GMPS: variants seen among roughly 807,000 people sequenced by gnomAD.
The protein encoded by GMPS is guanosine monophosphate synthase.
GMPS carries 15 observed loss-of-function variants against 77.9 expected under a neutral mutation model. The ratio of observed to expected loss-of-function variants is 0.19; its 90% CI spans 0.13 to 0.30. The LOEUF is 0.30. GMPS is among the 10% of genes least tolerant of loss of function. GMPS has a pLI of 1.00. For synonymous variants in GMPS, 224 were observed against 275.9 expected, an observed-to-expected ratio of 0.81 and a Z score of 1.86; for missense variants, 590 against 838.8, an observed-to-expected ratio of 0.70 and a Z score of 3.66.
chr3:155,917,419 C>T (rs573255375), intron 9 of GMPS, among the ~76,000 whole-genome samples: 1 of 152,328 alleles, frequency 6.6e-6, no homozygotes, highest in African/African-American at 2.4e-5. Context: ...CCCCCACCCT[C>T]TGGTAACCAC....
At chr3:155,907,751 G>T (rs888817297) in intron 5 of GMPS, among the ~76,000 whole-genome samples, 20 of 152,194 alleles carry the variant, frequency 1.3e-4, no homozygotes, top group African/African-American at 4.6e-4. Flanking sequence ...TGTGATTAGG[G>T]TTGTTGCAAT....
At chr3:155,914,672 T>TA in intron 8 of GMPS, 102 bp downstream of exon 8, 1 of 679,170 alleles carries the variant, frequency 1.5e-6, no homozygotes, top group Non-Finnish European at 2.4e-6. Flanking sequence ...TAGCTAATTT[T>TA]AATCCTTTTT....
intron 12 of GMPS, among the ~76,000 whole-genome samples, chr3:155,929,898 A>C (rs1755564249): frequency 7.3e-6 from 1 of 137,792 alleles, no homozygotes; most frequent in African/African-American, 2.7e-5. Context: ...TTCCATGCTC[A>C]TGGGTAGGAA....
intron 11 of GMPS, among the ~76,000 whole-genome samples, chr3:155,923,526 C>T (rs1755373600): frequency 6.6e-6 from 1 of 152,118 alleles, no homozygotes; most frequent in African/African-American, 2.4e-5. Flanking sequence ...AAAGACAGAG[C>T]AGCTGCGGAG....
intron 13 of GMPS, among the ~76,000 whole-genome samples, chr3:155,933,546 A>G (rs1413396532): frequency 6.6e-6 from 1 of 152,226 alleles, no homozygotes; most frequent in Non-Finnish European, 1.5e-5. Flanking sequence ...CGTGGGACAA[A>G]AACCTTGCTT....
At chr3:155,877,797 CTT>C (rs35973380) in intron 1 of GMPS, among the ~76,000 whole-genome samples, 162 of 113,012 alleles carry the variant, frequency 1.4e-3, no homozygotes, top group Non-Finnish European at 1.5e-3. Context: ...ACCTTGGGGC[CTT>C]TTTTTTTTTT....
At chr3:155,912,948 T>A (rs1755077962) in intron 7 of GMPS, among the ~76,000 whole-genome samples, 1 of 152,206 alleles carries the variant, frequency 6.6e-6, no homozygotes, top group Non-Finnish European at 1.5e-5. Flanking sequence ...AGGAGCAAAC[T>A]GTGCTCTCCT....
At chr3:155,914,840 C>G (rs1469522542) in intron 8 of GMPS, among the ~76,000 whole-genome samples, 2 of 151,906 alleles carry the variant, frequency 1.3e-5, no homozygotes, top group African/African-American at 4.8e-5. Context: ...ACGATCTCGG[C>G]TCGCTGCAAC....
intron 8 of GMPS, among the ~76,000 whole-genome samples, chr3:155,915,098 C>T (rs1755141487): frequency 6.6e-6 from 1 of 152,032 alleles, no homozygotes; most frequent in East Asian, 1.9e-4. Context: ...AACATGTTTG[C>T]CTACATTGCC....
At chr3:155,896,670 C>G (rs1033541723) in intron 2 of GMPS, among the ~76,000 whole-genome samples, 5 of 149,166 alleles carry the variant, frequency 3.4e-5, no homozygotes, top group Non-Finnish European at 7.4e-5. Context: ...ATCTGCCCGT[C>G]TCTGTTTCCC....
At chr3:155,894,629 A>T (rs1227639423) in intron 2 of GMPS, among the ~76,000 whole-genome samples, 2 of 152,124 alleles carry the variant, frequency 1.3e-5, no homozygotes, top group African/African-American at 4.8e-5. Flanking sequence ...TTGGCTCTTA[A>T]ACTCTAATAT....
intron 7 of GMPS, 22 bp from the exon 8 acceptor site, chr3:155,914,397 A>G: frequency 1.3e-6 from 2 of 1,498,164 alleles, no homozygotes; most frequent in South Asian, 1.4e-5. Context: ...CCAATTTAAA[A>G]CGCTTCTCCC....
At chr3:155,932,862 A>G (rs1755661048) in intron 13 of GMPS, among the ~76,000 whole-genome samples, 1 of 152,214 alleles carries the variant, frequency 6.6e-6, no homozygotes, top group Non-Finnish European at 1.5e-5. Context: ...ATACAGAAGC[A>G]TCTTTAAAAT....
chr3:155,876,490 G>A (rs1426315154), intron 1 of GMPS, among the ~76,000 whole-genome samples: 1 of 152,228 alleles, frequency 6.6e-6, no homozygotes, highest in Non-Finnish European at 1.5e-5. Flanking sequence ...ATAGCCGAAG[G>A]TGGTATTAGA....
intron 1 of GMPS, among the ~76,000 whole-genome samples, chr3:155,871,638 C>CAGCTTGCTCCCTGTCG (rs1249845005): frequency 6.6e-6 from 1 of 152,258 alleles, no homozygotes; most frequent in Non-Finnish European, 1.5e-5. Flanking sequence ...CGCCCCCGTC[C>CAGCTTGCTCCCTGTCG]AGCTTGCTCC....
chr3:155,910,547 C>T (rs1443531219), intron 5 of GMPS, 145 bp from the exon 6 acceptor site: 6 of 415,126 alleles, frequency 1.4e-5, no homozygotes, highest in East Asian at 4.2e-5. Context: ...CCAGCCTGAG[C>T]GACAGAGCAA....
Position 155,870,892 on chromosome 3 carries a change from T to A in GMPS, c.22T>A (p.Ser8Thr). 6.7e-7 allele frequency: 1 copy of A among 1,503,676 alleles called. No homozygotes were observed. The highest frequency in any genetic ancestry group is 8.9e-7 in the Non-Finnish European group (1 of 1,129,654). 93.1% of individuals were successfully genotyped at this position (1,503,676 alleles called of 1,614,324 possible). MALCNGD[S>T]KLENAGGDLK... ...CCCGATGGCTCTGTGCAACGGAGAC[T>A]CCAAGGTCAGCGTGGGGGTCCCTGC... The change falls in exon 1 of 16, where the codon TCC becomes ACC. Residue 8 changes from serine (S) to threonine (T), a missense_variant. By Grantham distance (58) the Ser-to-Thr change is moderately conservative. Around this residue, in one of 6 missense-constraint regions of GMPS, gnomAD observed 47 missense variants for 45.5 expected, o/e 1.03. Transcript: ENST00000496455.
rs1259626361 is a variant in GMPS, at chr3:155,910,825, G to T, written c.660G>T (p.Gln220His). 1 of 1,611,280 alleles carries T rather than the reference G, an allele frequency of 6.2e-7. No individual in the cohort carries two copies. Reference protein sequence around the residue: ...IAGCSGTFTVQNRELECIREI... With the variant: ...IAGCSGTFTVHNRELECIREI... ...GATGCAGTGGAACCTTCACCGTGCAGAACAGAGAACTTGAGTGTATTCGAG... is the reference window on the plus strand; with the variant it reads ...GATGCAGTGGAACCTTCACCGTGCATAACAGAGAACTTGAGTGTATTCGAG... The change falls in exon 6 of 16, where the codon CAG becomes CAT. Residue 220 changes from glutamine to histidine, a missense_variant. Coordinates refer to ENST00000496455, the MANE Select transcript of GMPS (RefSeq NM_003875.3).
At chr3:155,880,684 T>A (rs1293436419) in intron 1 of GMPS, among the ~76,000 whole-genome samples, 2 of 152,328 alleles carry the variant, frequency 1.3e-5, no homozygotes, top group Admixed American at 1.3e-4. Context: ...AAGTTGTTTT[T>A]AAAAAATGCA....
Sources: allele counts gnomAD v4.1 joint callset (sites outside exome capture counted in the v4.1 genomes callset), GRCh38; gene constraint gnomAD v4.1.1; regional missense constraint gnomAD v4.1.1; transcripts MANE v1.5; gene names NCBI Gene and HGNC (gene_info 2026-07-23, HGNC 2026-07-21).